The following SCAF8 variants were observed in gnomAD, a reference collection of about 807,000 sequenced individuals.
SCAF8 encodes SR-related and CTD-associated factor 8.
A neutral mutation model predicts 140.5 loss-of-function variants in SCAF8; 23 were observed. The observed-to-expected ratio is 0.16, with a 90% confidence interval of 0.12 to 0.23. SCAF8 has a LOEUF of 0.23. SCAF8 is among the 10% of genes least tolerant of loss of function. The pLI is 1.00. For missense variants in SCAF8, 1,397 were observed against 1,555.7 expected (o/e 0.90, Z 1.72); for synonymous variants, 575 against 528.9 (o/e 1.09, Z -1.20).
chr6:154,740,894 T>C (rs1006148464), intron 1 of SCAF8, among the ~76,000 whole-genome samples: 2 of 152,230 alleles, frequency 1.3e-5, no homozygotes, highest in Admixed American at 6.5e-5. Context: ...GCTGGAATTA[T>C]AGGCATGTGC....
At chr6:154,793,250 T>G (rs1415035475) in intron 5 of SCAF8, among the ~76,000 whole-genome samples, 1 of 152,162 alleles carries the variant, frequency 6.6e-6, no homozygotes, top group Non-Finnish European at 1.5e-5. Flanking sequence ...CTGATTTAAG[T>G]TGTCTGTAAC....
At chr6:154,755,932 G>C (rs1363036790) in intron 1 of SCAF8, among the ~76,000 whole-genome samples, 1 of 152,190 alleles carries the variant, frequency 6.6e-6, no homozygotes, top group Non-Finnish European at 1.5e-5. Flanking sequence ...GAGAGTTATT[G>C]ATGAGTATGT....
intron 4 of SCAF8, among the ~76,000 whole-genome samples, chr6:154,789,077 A>G (rs1015662287): frequency 6.6e-6 from 1 of 152,164 alleles, no homozygotes; most frequent in Admixed American, 6.5e-5. Context: ...AATCAGAAAA[A>G]AATCTTGTTA....
chr6:154,818,891 C>T (rs756721025), intron 14 of SCAF8, among the ~76,000 whole-genome samples: 2 of 152,194 alleles, frequency 1.3e-5, no homozygotes, highest in Non-Finnish European at 2.9e-5. Flanking sequence ...GGGCACCATT[C>T]TATGAGTACA....
intron 1 of SCAF8, among the ~76,000 whole-genome samples, chr6:154,738,052 G>A (rs1778473175): frequency 6.6e-6 from 1 of 151,978 alleles, no homozygotes; most frequent in Non-Finnish European, 1.5e-5. Flanking sequence ...TGAATTGTGG[G>A]TGTGTGTCTG....
intron 3 of SCAF8, among the ~76,000 whole-genome samples, chr6:154,783,380 T>A (rs1243116806): frequency 1.3e-5 from 2 of 152,238 alleles, no homozygotes; most frequent in Non-Finnish European, 2.9e-5. Context: ...TACTCTTAGA[T>A]ACGGTGAGGT....
At chr6:154,765,120 A>G (rs1776523647) in intron 1 of SCAF8, among the ~76,000 whole-genome samples, 1 of 152,206 alleles carries the variant, frequency 6.6e-6, no homozygotes, top group African/African-American at 2.4e-5. Flanking sequence ...ATGGGCCAGC[A>G]TCATCATCAT....
intron 13 of SCAF8, 53 bp from the exon 14 acceptor site, chr6:154,818,426 C>G: frequency 2.2e-6 from 2 of 889,714 alleles, no homozygotes; most frequent in Non-Finnish European, 3.5e-6. Context: ...CCATAAAATA[C>G]CAGAATGAGT....
intron 1 of SCAF8, among the ~76,000 whole-genome samples, chr6:154,743,264 A>G (rs568063965): frequency 1.3e-5 from 2 of 152,236 alleles, no homozygotes; most frequent in Non-Finnish European, 2.9e-5. Flanking sequence ...CAGTGGGAAA[A>G]TATGACTAGC....
chr6:154,792,918 G>T lies in SCAF8; in HGVS notation c.417G>T (p.Pro139=). 6.2e-7 allele frequency: 1 copy of T among 1,613,720 alleles called. No homozygotes were observed. Among genetic ancestry groups the T allele is most frequent in the Non-Finnish European group, 8.5e-7 (1 of 1,179,832 alleles). ...QPLLDMAAGI[P]PPVVTPVLAS... ...TTTTGGATATGGCAGCCGGGATTCCGCCTCCAGTTGTCACACCTGTTTTGG... is the reference window on the plus strand; with the variant it reads ...TTTTGGATATGGCAGCCGGGATTCCTCCTCCAGTTGTCACACCTGTTTTGG... The change falls in exon 5 of 20, where the codon CCG becomes CCT. Residue 139 remains proline, a synonymous_variant. Coordinates refer to ENST00000367178, the MANE Select transcript of SCAF8 (RefSeq NM_014892.5).
rs1159331474 is a variant in SCAF8, at chr6:154,808,221, T to C, written c.1113+20T>C. The C allele has an allele frequency of 6.2e-7, 1 of 1,607,700 alleles. No individual in the cohort carries two copies. The highest frequency in any genetic ancestry group is 8.5e-7 in the Non-Finnish European group (1 of 1,175,684). On this transcript the variant is annotated intron_variant, in intron 10 of 19. Transcript: ENST00000367178. ...CAACAGGTAAAAGTAAATGTTTTTC[T>C]GGGTCATAAATTTCTAAAAGTAGCT... is the stretch of plus-strand genomic sequence containing the variant.
At chr6:154,792,310 T>G (rs1170970761) in intron 4 of SCAF8, among the ~76,000 whole-genome samples, 2 of 152,210 alleles carry the variant, frequency 1.3e-5, no homozygotes, top group African/African-American at 4.8e-5. Flanking sequence ...GTAATTTGAT[T>G]AAATTCTTAC....
Position 154,774,090 on chromosome 6 carries a change from C to T in SCAF8, c.114+18C>T, listed in dbSNP as rs1776850379. The T allele has an allele frequency of 6.6e-7, 1 of 1,514,626 alleles. No homozygotes were observed. Among genetic ancestry groups the T allele is most frequent in the Non-Finnish European group, 9.1e-7 (1 of 1,094,468 alleles). 93.8% of individuals were successfully genotyped at this position (1,514,626 alleles called of 1,614,324 possible). A position where few individuals can be genotyped will look rare whatever the true frequency, so the allele number is the denominator to read the frequency against. ...CTATTAAGGTGAGTAATAAATTTTA[C>T]TCTTCTATTTTCAAAAGAAAAAACT... On this transcript the variant is annotated intron_variant, in intron 2 of 19. Coordinates refer to ENST00000367178, the MANE Select transcript of SCAF8 (RefSeq NM_014892.5).
chr6:154,796,938 C>T (rs1777625272), intron 6 of SCAF8, among the ~76,000 whole-genome samples: 3 of 151,366 alleles, frequency 2.0e-5, no homozygotes, highest in Admixed American at 6.6e-5. Flanking sequence ...TGCCATTGCA[C>T]TGTAGCCTGG....
chr6:154,784,120 G>GATAGATAGATATATAT (rs1554260629), intron 3 of SCAF8, among the ~76,000 whole-genome samples: 3 of 106,828 alleles, frequency 2.8e-5, no homozygotes, highest in African/African-American at 9.7e-5. Flanking sequence ...GGTGTCTTGA[G>GATAGATAGATATATAT]ATATATATAT....
rs1334981245 is a variant in SCAF8 at position 154,824,223 on chromosome 6, A to G, written c.1927-11A>G. 7.4e-6 allele frequency: 12 copies of G among 1,612,166 alleles called. No homozygotes were observed. The highest frequency in any genetic ancestry group is 2.2e-5 in the East Asian group (1 of 44,846). Reference sequence around the variant, plus strand: ...AACTGATGAGTGAACTTTTTTGTCTATCCACAAAAGATTCCAGTGGCGCCA... The same window carrying G: ...AACTGATGAGTGAACTTTTTTGTCTGTCCACAAAAGATTCCAGTGGCGCCA... On this transcript the variant is annotated splice_polypyrimidine_tract_variant and intron_variant, in intron 16 of 19. Transcript: ENST00000367178.
intron 1 of SCAF8, among the ~76,000 whole-genome samples, chr6:154,766,597 C>T (rs1254421213): frequency 6.6e-6 from 1 of 151,572 alleles, no homozygotes; most frequent in Non-Finnish European, 1.5e-5. Flanking sequence ...TCTGACGTGT[C>T]CATTAGCTCT....
At chr6:154,826,709 A>G (rs894222298) in intron 17 of SCAF8, among the ~76,000 whole-genome samples, 4 of 152,192 alleles carry the variant, frequency 2.6e-5, no homozygotes, top group African/African-American at 9.7e-5. Context: ...TAGACTCGGT[A>G]TCTAAAATTA....
At chr6:154,783,357 A>G (rs73581077) in intron 3 of SCAF8, among the ~76,000 whole-genome samples, 2,825 of 152,310 alleles carry the variant, frequency 0.019, 75 homozygotes, top group African/African-American at 0.064. Context: ...AATACATTCT[A>G]TGGTACTGTG....
Sources: allele counts gnomAD v4.1 joint callset (sites outside exome capture counted in the v4.1 genomes callset), GRCh38; gene constraint gnomAD v4.1.1; transcripts MANE v1.5; gene names NCBI Gene and HGNC (gene_info 2026-07-23, HGNC 2026-07-21).